XYLT1: variants seen among roughly 807,000 people sequenced by gnomAD.
XYLT1 encodes beta-D-xylosyltransferase 1.
In XYLT1, 36 loss-of-function variants were observed where a neutral mutation model predicts 91.3. The ratio of observed to expected loss-of-function variants is 0.39; its 90% CI spans 0.30 to 0.52. The LOEUF is 0.52. Among genes scored for constraint, XYLT1 ranks in the 20% least tolerant of loss-of-function variants. XYLT1 has a pLI of 0.68. For synonymous variants in XYLT1, 588 were observed against 532.0 expected, an observed-to-expected ratio of 1.11 and a Z score of -1.45; for missense variants, 1,242 against 1,284.5, an observed-to-expected ratio of 0.97 and a Z score of 0.51.
chr16:17,295,337 G>GTTTTTT (rs72324173), intron 2 of XYLT1, among the ~76,000 whole-genome samples: 30 of 149,998 alleles, frequency 2.0e-4, no homozygotes, highest in South Asian at 1.1e-3. Flanking sequence ...CCAGGTTTTT[G>GTTTTTT]TTTTGTTTTG....
chr16:17,340,634 C>G (rs926270474), intron 2 of XYLT1, among the ~76,000 whole-genome samples: 1 of 152,196 alleles, frequency 6.6e-6, no homozygotes, highest in Non-Finnish European at 1.5e-5. Context: ...CTCAGTTAAC[C>G]CTTTCCTCTC....
rs114168875 is a variant in XYLT1, at chr16:17,137,135, C to T, written c.1764+1220G>A. Among the ~76,000 whole-genome samples the T allele has an allele frequency of 1.9e-3, 291 of 152,206 alleles. 2 individuals carry two copies. Among genetic ancestry groups the T allele is most frequent in the Middle Eastern group, 6.8e-3 (2 of 294 alleles). Reference sequence around the variant, plus strand: ...CTGTGTGGGAACCTTAAGGGGAATACGAACGACAGAAAACCTGCAGTGTAC... The same window carrying T: ...CTGTGTGGGAACCTTAAGGGGAATATGAACGACAGAAAACCTGCAGTGTAC... On this transcript the variant is annotated intron_variant, in intron 8 of 11. Coordinates refer to ENST00000261381, the MANE Select transcript of XYLT1 (RefSeq NM_022166.4).
In XYLT1 at chr16:17,410,645, C is replaced by CCTT. The variant is rs1555454985; in HGVS notation, c.364-52596_364-52595insAAG. Among the ~76,000 whole-genome samples, 74 of 92,962 alleles carry CCTT rather than the reference C, an allele frequency of 8.0e-4. 3 individuals carry two copies. Among genetic ancestry groups the CCTT allele is most frequent in the Admixed American group, 2.0e-3 (14 of 7,132 alleles). The allele number at this position is 92,962 out of a possible 152,430, so 61.0% of individuals were successfully genotyped here. The stretch of plus-strand genomic sequence containing the variant: ...AGCCAAACCATATCACCTGTCATTA[C>CCTT]TTTTTTTTTTTTTTTTTTTTGAGAT... On this transcript the variant is annotated intron_variant, in intron 1 of 11. Coordinates refer to ENST00000261381, the MANE Select transcript of XYLT1 (RefSeq NM_022166.4).
intron 9 of XYLT1, among the ~76,000 whole-genome samples, chr16:17,128,380 C>G (rs1270480783): frequency 7.2e-6 from 1 of 139,806 alleles, no homozygotes; most frequent in Non-Finnish European, 1.6e-5. Flanking sequence ...TGTGTTGATG[C>G]TCGGTGTGTT....
At chr16:17,440,789 C>T (rs184483147) in intron 1 of XYLT1, among the ~76,000 whole-genome samples, 3 of 152,146 alleles carry the variant, frequency 2.0e-5, no homozygotes, top group Non-Finnish European at 4.4e-5. Context: ...TCTATAATAA[C>T]CCAGGCTGGA....
rs370130406 is a variant in XYLT1 at position 17,378,594 on chromosome 16, TAAAG to T, written c.364-20548_364-20545del. Among the ~76,000 whole-genome samples the T allele has an allele frequency of 9.3e-4, 142 of 152,348 alleles. 3 individuals are homozygous for T. The highest frequency in any genetic ancestry group is 3.3e-3 in the African/African-American group (137 of 41,584). ...TGCTAAAAGTTTCCTTTTCTTCAAA[TAAAG>T]CAATAACTGCCATTTATGAAGCACG... On this transcript the variant is annotated intron_variant, in intron 1 of 11. Transcript: ENST00000261381.
intron 3 of XYLT1, among the ~76,000 whole-genome samples, chr16:17,223,666 A>G (rs1443618636): frequency 6.6e-6 from 1 of 152,238 alleles, no homozygotes; most frequent in African/African-American, 2.4e-5. Flanking sequence ...CTGAATTACA[A>G]CATGGAGGGG....
intron 1 of XYLT1, among the ~76,000 whole-genome samples, chr16:17,396,270 G>A (rs1314278731): frequency 1.3e-5 from 2 of 152,214 alleles, no homozygotes; most frequent in Non-Finnish European, 2.9e-5. Flanking sequence ...GAAATACAGA[G>A]ATGACGTGAA....
rs1367932542 is a variant in XYLT1 at position 17,312,503 on chromosome 16, C to T, written c.402+45509G>A. ...ATAATTATAGACTCACAGGAGGTTG[C>T]CAAGATAGCAGAGTTCTGCACTCCC... On this transcript the variant is annotated intron_variant, in intron 2 of 11. Coordinates refer to ENST00000261381, the MANE Select transcript of XYLT1 (RefSeq NM_022166.4). This position sits in a 1 kb window ranked among gnomAD's most constrained non-coding sequence, Gnocchi z 4.4. Among the ~76,000 whole-genome samples the T allele has an allele frequency of 6.6e-6, 1 of 152,156 alleles. No homozygotes were observed. The highest frequency in any genetic ancestry group is 1.5e-5 in the Non-Finnish European group (1 of 68,028).
rs1264636086 is a variant in XYLT1 at position 17,298,014 on chromosome 16, C to T, written c.403-38516G>A. ...CCAGCCTGGGCGACGAGCGAGACTC[C>T]GTCTCAAAAAAAAAAAAAAAATTAT... On this transcript the variant is annotated intron_variant, in intron 2 of 11. Coordinates refer to ENST00000261381, the MANE Select transcript of XYLT1 (RefSeq NM_022166.4). Among the ~76,000 whole-genome samples the T allele has an allele frequency of 1.0e-4, 15 of 149,506 alleles. No individual in the cohort carries two copies. The East Asian group carries it at 1.8e-3, about 18-fold the overall frequency.
chr16:17,194,510 T>C (rs187000461), intron 5 of XYLT1, among the ~76,000 whole-genome samples: 7 of 152,336 alleles, frequency 4.6e-5, no homozygotes, highest in African/African-American at 1.7e-4. Context: ...ATGTGGGAAC[T>C]TTGAGCACAG....
intron 2 of XYLT1, among the ~76,000 whole-genome samples, chr16:17,313,985 A>G (rs1296199938): frequency 1.3e-5 from 2 of 152,244 alleles, no homozygotes; most frequent in Non-Finnish European, 2.9e-5. Flanking sequence ...CAAGGTCATC[A>G]GTGATAAATC....
At chr16:17,160,850 A>C (rs2141543485) in intron 5 of XYLT1, among the ~76,000 whole-genome samples, 1 of 152,314 alleles carries the variant, frequency 6.6e-6, no homozygotes, top group Non-Finnish European at 1.5e-5. Flanking sequence ...TCGGCCTATA[A>C]AAAAATTTAA....
At chr16:17,246,490 C>T (rs1022069102) in intron 3 of XYLT1, among the ~76,000 whole-genome samples, 1 of 152,144 alleles carries the variant, frequency 6.6e-6, no homozygotes, top group Non-Finnish European at 1.5e-5. Flanking sequence ...ACAGAGCAGA[C>T]AAGTTAAGGT....
chr16:17,390,328 G>A (rs553658142), intron 1 of XYLT1, among the ~76,000 whole-genome samples: 3 of 152,322 alleles, frequency 2.0e-5, no homozygotes, highest in South Asian at 4.1e-4. Flanking sequence ...GACACAGGAG[G>A]AATGAAATTA....
At chr16:17,141,704 C>A (rs891266169) in intron 6 of XYLT1, among the ~76,000 whole-genome samples, 5 of 152,162 alleles carry the variant, frequency 3.3e-5, no homozygotes, top group Non-Finnish European at 7.4e-5. Context: ...ACTTTGGCAA[C>A]AACCTCCTTA....
At chr16:17,469,129 GC>G (rs1199623092) in intron 1 of XYLT1, among the ~76,000 whole-genome samples, 17 of 152,324 alleles carry the variant, frequency 1.1e-4, no homozygotes, top group Admixed American at 3.3e-4. Context: ...CAGTTCTCAG[GC>G]ATGAAGAGCT....
rs2036685058 is a variant in XYLT1 at position 17,452,870 on chromosome 16, CACACAT to C, written c.363+17558_363+17563del. On this transcript the variant is annotated intron_variant, in intron 1 of 11. Transcript: ENST00000261381. ...GTTCTTCCCCTAGAATACACACACACACACATACACACACACACCTTTGTAAAGAGT... is the reference window on the plus strand; with the variant it reads ...GTTCTTCCCCTAGAATACACACACACACACACACACACCTTTGTAAAGAGT... 2.6e-5 allele frequency among the ~76,000 whole-genome samples: 4 copies of C among 152,244 alleles called. No individual in the cohort carries two copies. The South Asian group carries it at 8.3e-4, about 32-fold the overall frequency.
At chr16:17,424,554 T>C (rs1184348461) in intron 1 of XYLT1, among the ~76,000 whole-genome samples, 2 of 152,118 alleles carry the variant, frequency 1.3e-5, no homozygotes, top group Non-Finnish European at 2.9e-5. Flanking sequence ...ATGTGGATGC[T>C]GTAGAAACAC....
Sources: allele counts gnomAD v4.1 joint callset (sites outside exome capture counted in the v4.1 genomes callset), GRCh38; gene constraint gnomAD v4.1.1; non-coding constraint Gnocchi (gnomAD v3.1); transcripts MANE v1.5; gene names NCBI Gene and HGNC (gene_info 2026-07-23, HGNC 2026-07-21).